ADAM28: variants seen among roughly 807,000 people sequenced by gnomAD.
ADAM28 encodes ADAM metallopeptidase domain 28.
ADAM28 carries 105 observed loss-of-function variants against 101.2 expected under a neutral mutation model. That is an observed-to-expected ratio of 1.04 (90% confidence interval 0.89 to 1.22). The LOEUF (loss-of-function observed/expected upper bound fraction) is 1.22. Among genes scored for constraint, ADAM28 ranks in the 50% most tolerant of loss-of-function variants. The pLI, the probability that ADAM28 is intolerant of heterozygous loss-of-function variation, is 0.00. For missense variants in ADAM28, 1,028 were observed against 945.4 expected (o/e 1.09, Z -1.15); for synonymous variants, 322 against 310.6 (o/e 1.04, Z -0.39).
rs367906663 is a variant in ADAM28, at chr8:24,343,596, T to C, written c.1990+12T>C. 1.9e-6 allele frequency: 3 copies of C among 1,613,014 alleles called. No homozygotes were observed. Among genetic ancestry groups the C allele is most frequent in the Admixed American group, 1.7e-5 (1 of 59,914 alleles). On this transcript the variant is annotated intron_variant, in intron 18 of 22. Transcript: ENST00000265769. ...CTCAGTGGTCTTCCGTAGGTAACATTACACATCTAACCTGAGAAAATTGCT... is the reference window on the plus strand; with the variant it reads ...CTCAGTGGTCTTCCGTAGGTAACATCACACATCTAACCTGAGAAAATTGCT...
At chr8:24,324,137 G>T (rs1372986061) in intron 9 of ADAM28, 134 bp downstream of exon 9, 4 of 686,414 alleles carry the variant, frequency 5.8e-6, no homozygotes, top group Non-Finnish European at 8.7e-6. Flanking sequence ...TGTCAAATAT[G>T]CTCTTATTTT....
intron 16 of ADAM28, chr8:24,342,890 A>G (rs1007196743): frequency 1.3e-6 from 1 of 799,746 alleles, no homozygotes; most frequent in African/African-American, 1.7e-5. Flanking sequence ...AAAAATACAT[A>G]AATTCTTAGA....
chr8:24,335,362 A>G, intron 13 of ADAM28, 84 bp from the exon 14 acceptor site: 1 of 1,453,200 alleles, frequency 6.9e-7, no homozygotes, highest in Non-Finnish European at 9.1e-7. Context: ...AAAAGTCCAA[A>G]TGGAAAATAT....
chr8:24,338,169 C>T (rs1240722244), intron 14 of ADAM28, among the ~76,000 whole-genome samples: 1 of 152,112 alleles, frequency 6.6e-6, no homozygotes, highest in African/African-American at 2.4e-5. Context: ...ATTTTTCAAC[C>T]AGCATTTTTT....
At position 24,336,039 on chromosome 8, in the gene ADAM28, GGTGT is replaced by G. The variant is rs71212527; in HGVS notation, c.1567+416_1567+419del. The G allele has an allele frequency of 8.7e-5, 74 of 848,346 alleles. 1 individual carries two copies. The highest frequency in any genetic ancestry group is 5.2e-4 in the African/African-American group (26 of 49,828). 52.6% of individuals were successfully genotyped at this position (848,346 alleles called of 1,614,324 possible). A position where few individuals can be genotyped will look rare whatever the true frequency, so the allele number is the denominator to read the frequency against. ...ACCCTTGGAAATCTGTGTGTGTGCG[GGTGT>G]GTGTGTGTGTGTGTGTGCAGGGGTG... On this transcript the variant is annotated intron_variant, in intron 14 of 22. Transcript: ENST00000265769.
At position 24,354,630 on chromosome 8, in the gene ADAM28, A is replaced by G. The variant is rs1563335978; in HGVS notation, c.*226A>G. 6 of 409,546 alleles carry G rather than the reference A, an allele frequency of 1.5e-5. No individual in the cohort carries two copies. Among genetic ancestry groups the G allele is most frequent in the Admixed American group, 4.7e-5 (1 of 21,482 alleles). 25.4% of individuals were successfully genotyped at this position (409,546 alleles called of 1,614,324 possible). On this transcript the variant is annotated 3_prime_UTR_variant, in exon 23 of 23. Coordinates refer to ENST00000265769, the MANE Select transcript of ADAM28 (RefSeq NM_014265.6). ...TTTAAAATTTCAATTATCCATTCTT[A>G]TAAGAAGGAAGATGATTGTAAAGAA...
rs773028641 is a variant in ADAM28 at position 24,326,547 on chromosome 8, C to A, written c.891-7C>A. On this transcript the variant is annotated splice_polypyrimidine_tract_variant and splice_region_variant and intron_variant, in intron 9 of 22. Coordinates refer to ENST00000265769, the MANE Select transcript of ADAM28 (RefSeq NM_014265.6). ...ATTTGTTACATCAATTTATTCCTTTCTTGCAGAGCAACAGAACTTGCTGGA... is the reference window on the plus strand; with the variant it reads ...ATTTGTTACATCAATTTATTCCTTTATTGCAGAGCAACAGAACTTGCTGGA... 1 of 1,610,552 alleles carries A rather than the reference C, an allele frequency of 6.2e-7. No homozygotes were observed. The highest frequency in any genetic ancestry group is 1.1e-5 in the South Asian group (1 of 90,752).
intron 17 of ADAM28, 152 bp downstream of exon 17, chr8:24,343,333 C>A: frequency 8.7e-7 from 1 of 1,155,458 alleles, no homozygotes; most frequent in Non-Finnish European, 1.2e-6. Context: ...GGAGAAATTT[C>A]TTCTGGGAAT....
At chr8:24,342,897 T>C (rs951271402) in intron 16 of ADAM28, 26 of 841,116 alleles carry the variant, frequency 3.1e-5, no homozygotes, top group Non-Finnish European at 4.2e-5. Flanking sequence ...CATAAATTCT[T>C]AGATAGACTT....
At chr8:24,319,112 C>T (rs6995998) in intron 6 of ADAM28, among the ~76,000 whole-genome samples, 5,489 of 152,010 alleles carry the variant, frequency 0.036, 341 homozygotes, top group African/African-American at 0.12. Context: ...AACACAAGCA[C>T]TTTTTTTCTA....
Position 24,331,264 on chromosome 8 carries a change from C to T in ADAM28, c.1218C>T (p.Ser406=). The stretch of plus-strand genomic sequence containing the variant: ...CTCCATTGCCTACAGATATCATATC[C>T]ACTCCAATTTGTGGGAACCAGTTGG... ...FNAPLPTDII[S]TPICGNQLVE... is the part of the protein sequence containing the mutation. The change falls in exon 12 of 23, where the codon TCC becomes TCT. Residue 406 remains serine, a synonymous_variant. Coordinates refer to ENST00000265769, the MANE Select transcript of ADAM28 (RefSeq NM_014265.6). The T allele has an allele frequency of 6.2e-7, 1 of 1,612,606 alleles. No homozygotes were observed. The highest frequency in any genetic ancestry group is 8.5e-7 in the Non-Finnish European group (1 of 1,179,266).
intron 10 of ADAM28, 82 bp downstream of exon 10, chr8:24,326,717 A>G: frequency 7.5e-7 from 1 of 1,333,554 alleles, no homozygotes; most frequent in South Asian, 1.4e-5. Flanking sequence ...AGATCATGAT[A>G]GTTTTTCTCT....
chr8:24,353,921 C>CGTTTT, intron 22 of ADAM28, 89 bp downstream of exon 22: 1 of 908,120 alleles, frequency 1.1e-6, no homozygotes, highest in Non-Finnish European at 1.7e-6. Context: ...TAGAAAAAAA[C>CGTTTT]TTACTAAGAA....
intron 14 of ADAM28, 83 bp from the exon 15 acceptor site, chr8:24,339,383 A>C (rs2129323501): frequency 9.1e-7 from 1 of 1,095,826 alleles, no homozygotes; most frequent in Non-Finnish European, 1.3e-6. Context: ...CCAGCACTGA[A>C]TCTTTAAAAT....
chr8:24,339,508 G>T lies in ADAM28; in HGVS notation c.1610G>T (p.Gly537Val). 3 of 1,613,464 alleles carry T rather than the reference G, an allele frequency of 1.9e-6. No individual in the cohort carries two copies. The highest frequency in any genetic ancestry group is 4.5e-5 in the East Asian group (2 of 44,830). Residue 537 changes from glycine to valine, a missense_variant, in exon 15 of 23, where the codon GGT becomes GTT. Coordinates refer to ENST00000265769, the MANE Select transcript of ADAM28 (RefSeq NM_014265.6). ...ADKSCYNRNE[G>V]GSKYGYCRRV... ...AAGTCATGTTACAACAGGAATGAAG[G>T]TGGGTCAAAGTACGGGTACTGTCGC...
intron 5 of ADAM28, 63 bp downstream of exon 5, chr8:24,311,500 A>T: frequency 7.8e-7 from 1 of 1,275,814 alleles, no homozygotes; most frequent in Non-Finnish European, 1.1e-6. Context: ...GTATCTAACC[A>T]ACCAGATGAA....
At chr8:24,351,367 A>ACTCT in intron 20 of ADAM28, 57 bp downstream of exon 20, 6 of 1,495,766 alleles carry the variant, frequency 4.0e-6, no homozygotes, top group Non-Finnish European at 5.6e-6. Context: ...TTTCTCTCAC[A>ACTCT]CTCTTATCCT....
At chr8:24,343,659 T>A (rs1585718885) in intron 18 of ADAM28, 75 bp downstream of exon 18, 1 of 1,293,544 alleles carries the variant, frequency 7.7e-7, no homozygotes, top group East Asian at 2.4e-5. Context: ...TATATGAGAT[T>A]TCACTGCTTC....
chr8:24,327,776 A>G (rs796887599), intron 10 of ADAM28, among the ~76,000 whole-genome samples: 9 of 152,144 alleles, frequency 5.9e-5, no homozygotes, highest in African/African-American at 2.2e-4. Context: ...GACAAAAACA[A>G]GCAATGGGGA....
Sources: gnomAD v4.1 joint callset for allele counts (sites outside exome capture counted in the v4.1 genomes callset) on GRCh38, gnomAD v4.1.1 for gene constraint, MANE v1.5 for transcripts, NCBI Gene and HGNC (gene_info 2026-07-23, HGNC 2026-07-21) for gene names.